The following SMPD2 variants were observed in gnomAD, a reference collection of about 807,000 sequenced individuals.
The protein encoded by SMPD2 is sphingomyelin phosphodiesterase 2, also known as N-SMase.
In SMPD2, 35 loss-of-function variants were observed where a neutral mutation model predicts 41.7. That is an observed-to-expected ratio of 0.84 (90% CI 0.64 to 1.11). The LOEUF (loss-of-function observed/expected upper bound fraction) is 1.11. Ranked by LOEUF, SMPD2 falls within the 50% of genes most tolerant of loss-of-function variation. The pLI is 0.00. For synonymous variants in SMPD2, 201 were observed against 208.2 expected, an observed-to-expected ratio of 0.97 and a Z score of 0.30; for missense variants, 520 against 524.8, an observed-to-expected ratio of 0.99 and a Z score of 0.09.
In SMPD2 at chr6:109,441,128, C is replaced by T. The variant is rs1252750760; in HGVS notation, c.7C>T (p.Pro3Ser). MK[P>S]NFSLRLRIFN... The stretch of plus-strand genomic sequence containing the variant: ...CCCCTGGAGCTCCCCAACCATGAAG[C>T]CCAACTTCTCCCTGCGACTGCGGAT... Residue 3 changes from proline to serine, a missense_variant, in exon 1 of 10, where the codon CCC (proline) becomes TCC (serine). Physicochemically the swap from Pro to Ser is moderately conservative, Grantham distance 74. Transcript: ENST00000258052. The T allele has an allele frequency of 6.2e-7, 1 of 1,614,168 alleles. No homozygotes were observed. Among genetic ancestry groups the T allele is most frequent in the East Asian group, 2.2e-5 (1 of 44,860 alleles).
intron 7 of SMPD2, 34 bp downstream of exon 7, chr6:109,442,918 C>A: frequency 1.2e-6 from 2 of 1,609,208 alleles, no homozygotes; most frequent in Non-Finnish European, 1.7e-6. Flanking sequence ...CCACCTATAT[C>A]CCCAGCTTCT....
In SMPD2 at chr6:109,441,403, C is replaced by T; in HGVS notation, c.97C>T (p.Leu33=). The part of the protein sequence containing the change: ...SKHRADRMRR[L]GDFLNQESFD... The stretch of plus-strand genomic sequence containing the variant: ...GCACCGGGCCGACCGCATGAGGCGC[C>T]TGGGAGACTTTCTGAACCAGGAGAG... Residue 33 remains leucine (L), a synonymous_variant, in exon 2 of 10, where the codon CTG becomes TTG. Coordinates refer to ENST00000258052, the MANE Select transcript of SMPD2 (RefSeq NM_003080.3). The T allele has an allele frequency of 6.2e-7, 1 of 1,614,194 alleles. No individual in the cohort carries two copies. Among genetic ancestry groups the T allele is most frequent in the Admixed American group, 1.7e-5 (1 of 60,024 alleles).
intron 8 of SMPD2, 38 bp downstream of exon 8, chr6:109,443,119 GTC>G (rs1562283466): frequency 1.3e-6 from 2 of 1,569,222 alleles, no homozygotes; most frequent in Non-Finnish European, 1.8e-6. Flanking sequence ...CATATGCTGT[GTC>G]TCTTTGTCTA....
rs1774836352 is a variant in SMPD2, at chr6:109,440,924, A to T, written c.-198A>T. ...CCTTTCCGGGTTGGCGGCCCGCCTG[A>T]TTGGGAACAGCCGGCCGGTTGCCGG... On this transcript the variant is annotated 5_prime_UTR_variant, in exon 1 of 10. Transcript: ENST00000258052. 8.4e-6 allele frequency: 5 copies of T among 592,266 alleles called. No individual in the cohort carries two copies. Among genetic ancestry groups the T allele is most frequent in the Non-Finnish European group, 1.2e-5 (4 of 347,582 alleles). 36.7% of individuals were successfully genotyped at this position (592,266 alleles called of 1,614,324 possible). A position where few individuals can be genotyped will look rare whatever the true frequency, so the allele number is the denominator to read the frequency against.
Position 109,442,221 on chromosome 6 carries a change from T to G in SMPD2, c.330T>G (p.Gly110=), listed in dbSNP as rs143732618. Residue 110 remains glycine, a synonymous_variant, in exon 5 of 10, where the codon GGT becomes GGG. Transcript: ENST00000258052. The part of the protein sequence containing the change: ...LNGYPYMIHH[G]DWFSGKAVGL... ...CCTCCTGCCTGCAGATCCATCATGG[T>G]GACTGGTTCAGTGGGAAGGCTGTGG... 195 of 1,614,188 alleles carry G rather than the reference T, an allele frequency of 1.2e-4. 1 individual carries two copies. In the African/African-American group the frequency reaches 1.9e-3, roughly 16 times the overall value.
rs776679404 is a variant in SMPD2 at position 109,443,375 on chromosome 6, T to C, written c.838T>C (p.Phe280Leu). 6.2e-7 allele frequency: 1 copy of C among 1,613,702 alleles called. No individual in the cohort carries two copies. The highest frequency in any genetic ancestry group is 8.5e-7 in the Non-Finnish European group (1 of 1,179,722). Reference protein sequence around the residue: ...SDHEALMATLFVRHSPPQQNP... With the variant: ...SDHEALMATLLVRHSPPQQNP... ...TCATGAAGCCCTGATGGCTACTCTG[T>C]TTGTGAGGCACAGCCCCCCACAGCA... The change falls in exon 9 of 10, where the codon TTT (phenylalanine) becomes CTT (leucine). Residue 280 changes from phenylalanine to leucine, a missense_variant. Physicochemically the swap from Phe to Leu is conservative, Grantham distance 22 (BLOSUM62 0). Coordinates refer to ENST00000258052, the MANE Select transcript of SMPD2 (RefSeq NM_003080.3).
intron 1 of SMPD2, 57 bp downstream of exon 1, chr6:109,441,228 C>T: frequency 1.2e-6 from 2 of 1,601,450 alleles, no homozygotes; most frequent in East Asian, 2.2e-5. Context: ...ACCCATGCAG[C>T]CTTCCTCCCC....
chr6:109,443,009 G>GA lies in SMPD2; in HGVS notation c.659dup (p.Asn220LysfsTer19). The stretch of plus-strand genomic sequence containing the variant: ...AGGAAGGCAACACAATGGTACCCAA[G>GA]AACTGCTACGTCAGCCAGCAGGAGC... On this transcript the variant is annotated frameshift_variant, in exon 8 of 10. Coordinates refer to ENST00000258052, the MANE Select transcript of SMPD2 (RefSeq NM_003080.3). LOFTEE classifies it high-confidence loss of function. The GA allele has an allele frequency of 1.9e-6, 3 of 1,614,206 alleles. No individual in the cohort carries two copies. Among genetic ancestry groups the GA allele is most frequent in the Non-Finnish European group, 2.5e-6 (3 of 1,180,048 alleles).
Position 109,442,617 on chromosome 6 carries a change from G to T in SMPD2, c.483G>T (p.Gln161His), listed in dbSNP as rs1774974553. The change falls in exon 6 of 10, where the codon CAG (glutamine) becomes CAT (histidine). Residue 161 changes from glutamine (Q) to histidine (H), a missense_variant. Physicochemically the swap from Gln to His is conservative, Grantham distance 24 (BLOSUM62 0). Coordinates refer to ENST00000258052, the MANE Select transcript of SMPD2 (RefSeq NM_003080.3). ...TGGCCCAAGCTTGGGAATTGGCCCA[G>T]TTCATCCAGTGTGTGAGCCTGGGCT... ...HRVAQAWELA[Q>H]FIHHTSKKAD... is the part of the protein sequence containing the mutation. 1.9e-6 allele frequency: 3 copies of T among 1,614,048 alleles called. No homozygotes were observed. The highest frequency in any genetic ancestry group is 2.2e-5 in the South Asian group (2 of 91,082).
At chr6:109,443,485 C>CT in intron 9 of SMPD2, 32 bp from the exon 10 acceptor site, 1 of 1,607,980 alleles carries the variant, frequency 6.2e-7, no homozygotes, top group Non-Finnish European at 8.5e-7. Context: ...ACTCTTGACT[C>CT]TCTCCTGCCC....
intron 7 of SMPD2, 28 bp downstream of exon 7, chr6:109,442,912 C>A: frequency 3.1e-6 from 5 of 1,610,460 alleles, no homozygotes; most frequent in Non-Finnish European, 4.2e-6. Flanking sequence ...ACTTCCCCAC[C>A]TATATCCCCA....
chr6:109,441,000 C>A lies in SMPD2; in HGVS notation c.-122C>A. On this transcript the variant is annotated 5_prime_UTR_variant, in exon 1 of 10. In the 5' UTR this introduces an upstream ATG that the reference lacks. Transcript: ENST00000258052. ...TGAGCCACGCGGGCTTGGTGCCCAC[C>A]TGTGCGCGCCGCCTGCGAAGAAGGA... is the stretch of plus-strand genomic sequence containing the variant. 1.0e-6 allele frequency: 1 copy of A among 981,094 alleles called. No homozygotes were observed. The highest frequency in any genetic ancestry group is 1.6e-6 in the Non-Finnish European group (1 of 640,936). The allele number at this position is 981,094 out of a possible 1,614,324, so 60.8% of individuals were successfully genotyped here. A position where few individuals can be genotyped will look rare whatever the true frequency, so the allele number is the denominator to read the frequency against.
In SMPD2 at chr6:109,443,654, CTG is replaced by C; in HGVS notation, c.1027_1028del (p.Val343ProfsTer41). 1 of 1,613,690 alleles carries C rather than the reference CTG, an allele frequency of 6.2e-7. No homozygotes were observed. The highest frequency in any genetic ancestry group is 1.1e-5 in the South Asian group (1 of 91,090). On this transcript the variant is annotated frameshift_variant, in exon 10 of 10. Transcript: ENST00000258052. LOFTEE classifies it low-confidence loss of function (END_TRUNC). ...IGLGLLLLAL[L>X]CVLAAGGGAG... ...CCTGGGGCTGCTTCTCCTGGCACTG[CTG>C]TGTGTCCTGGCGGCTGGAGGAGGGG...
intron 3 of SMPD2, 109 bp from the exon 4 acceptor site, chr6:109,441,865 C>T (rs1774908290): frequency 9.2e-7 from 1 of 1,087,178 alleles, no homozygotes; most frequent in Non-Finnish European, 1.4e-6. Flanking sequence ...CTAGTCCCAG[C>T]AGTAGAAAAA....
chr6:109,443,029 AG>A lies in SMPD2; in HGVS notation c.679del (p.Glu227SerfsTer2). The A allele has an allele frequency of 2.5e-6, 4 of 1,614,232 alleles. No individual in the cohort carries two copies. The highest frequency in any genetic ancestry group is 3.4e-6 in the Non-Finnish European group (4 of 1,180,044). On this transcript the variant is annotated frameshift_variant, in exon 8 of 10. Transcript: ENST00000258052. LOFTEE classifies it high-confidence loss of function. ...MVPKNCYVSQQELKPFPFGVR... is the reference protein window; with the variant it reads ...MVPKNCYVSQXELKPFPFGVR... ...CCCAAGAACTGCTACGTCAGCCAGC[AG>A]GAGCTGAAGCCATTTCCCTTTGGTG...
rs770026020 is a variant in SMPD2 at position 109,442,212 on chromosome 6, C to T, written c.321C>T (p.Ile107=). 6.2e-7 allele frequency: 1 copy of T among 1,614,112 alleles called. No homozygotes were observed. The highest frequency in any genetic ancestry group is 2.2e-5 in the East Asian group (1 of 44,878). Residue 107 remains isoleucine, a splice_region_variant and synonymous_variant, in exon 5 of 10, where the codon ATC becomes ATT. Coordinates refer to ENST00000258052, the MANE Select transcript of SMPD2 (RefSeq NM_003080.3). ...TTTCTATCTCCTCCTGCCTGCAGAT[C>T]CATCATGGTGACTGGTTCAGTGGGA... ...IYTLNGYPYM[I]HHGDWFSGKA...
In SMPD2 at chr6:109,441,346, C is replaced by G. The variant is rs749846600; in HGVS notation, c.51-11C>G. 43 of 1,612,760 alleles carry G rather than the reference C, an allele frequency of 2.7e-5. No individual in the cohort carries two copies. The Admixed American group carries it at 7.0e-4, about 26-fold the overall frequency. ...CAGTCGCCTCCCCTGCCCCGCTCTTCCCTTCCTTAGGGGCATTCCGTACTT... is the reference window on the plus strand; with the variant it reads ...CAGTCGCCTCCCCTGCCCCGCTCTTGCCTTCCTTAGGGGCATTCCGTACTT... On this transcript the variant is annotated splice_polypyrimidine_tract_variant and intron_variant, in intron 1 of 9. Coordinates refer to ENST00000258052, the MANE Select transcript of SMPD2 (RefSeq NM_003080.3).
Position 109,440,893 on chromosome 6 carries a change from G to T in SMPD2, c.-229G>T. 1 of 553,784 alleles carries T rather than the reference G, an allele frequency of 1.8e-6. No homozygotes were observed. The highest frequency in any genetic ancestry group is 3.3e-5 in the East Asian group (1 of 30,302). The allele number at this position is 553,784 out of a possible 1,614,324, so 34.3% of individuals were successfully genotyped here. A position where few individuals can be genotyped will look rare whatever the true frequency, so the allele number is the denominator to read the frequency against. On this transcript the variant is annotated 5_prime_UTR_variant, in exon 1 of 10. Transcript: ENST00000258052. The stretch of plus-strand genomic sequence containing the variant: ...GCCTGGGCGCCCGGATTTCGGCAGC[G>T]GATCGCCTTTCCGGGTTGGCGGCCC...
Position 109,441,592 on chromosome 6 carries a change from T to C in SMPD2, c.188T>C (p.Leu63Pro). The change falls in exon 3 of 10, where the codon CTG becomes CCG. Residue 63 changes from leucine to proline, a missense_variant. Physicochemically the swap from Leu to Pro is moderately conservative, Grantham distance 98. Transcript: ENST00000258052. Reference sequence around the variant, plus strand: ...GACTTCCAGTACCTGAGACAGAAGCTGTCACCTACCTACCCAGCTGCACAC... The same window carrying C: ...GACTTCCAGTACCTGAGACAGAAGCCGTCACCTACCTACCCAGCTGCACAC... ...EQDFQYLRQK[L>P]SPTYPAAHHF... 1 of 1,614,218 alleles carries C rather than the reference T, an allele frequency of 6.2e-7. No individual in the cohort carries two copies.
Sources: gnomAD v4.1 joint callset for allele counts on GRCh38, gnomAD v4.1.1 for gene constraint, MANE v1.5 for transcripts, NCBI Gene and HGNC (gene_info 2026-07-23, HGNC 2026-07-21) for gene names.